The following DLG1 variants were observed in gnomAD, a reference collection of about 807,000 sequenced individuals.
The protein encoded by DLG1 is discs large MAGUK scaffold protein 1.
In DLG1, 42 loss-of-function variants were observed where a neutral mutation model predicts 123.4. The ratio of observed to expected loss-of-function variants is 0.34; its 90% CI spans 0.27 to 0.44. The LOEUF (loss-of-function observed/expected upper bound fraction) is 0.44, where lower values mean the gene tolerates loss of function less well. DLG1 is among the 20% of genes least tolerant of loss of function. The pLI is 1.00. For missense variants in DLG1, 942 were observed against 1,082.6 expected (o/e 0.87, Z 1.82); for synonymous variants, 317 against 356.2 (o/e 0.89, Z 1.24).
intron 5 of DLG1, among the ~76,000 whole-genome samples, chr3:197,175,503 C>A (rs1375533263): frequency 6.6e-6 from 1 of 152,166 alleles, no homozygotes; most frequent in African/African-American, 2.4e-5. Flanking sequence ...GTAACATAGA[C>A]TTGCTAGTTT....
At chr3:197,235,012 G>A (rs922202825) in intron 4 of DLG1, among the ~76,000 whole-genome samples, 7 of 151,988 alleles carry the variant, frequency 4.6e-5, no homozygotes, top group African/African-American at 7.2e-5. Flanking sequence ...GAAGTTAACT[G>A]GTACAGAACT....
At chr3:197,111,091 C>T (rs1769743346) in intron 13 of DLG1, among the ~76,000 whole-genome samples, 1 of 152,166 alleles carries the variant, frequency 6.6e-6, no homozygotes, top group Admixed American at 6.5e-5. Context: ...GCTTTTAGGG[C>T]ATTTCCCTAG....
intron 4 of DLG1, among the ~76,000 whole-genome samples, chr3:197,274,846 G>GA (rs1409731175): frequency 6.6e-6 from 1 of 152,132 alleles, no homozygotes; most frequent in Non-Finnish European, 1.5e-5. Context: ...ATTGGTATAT[G>GA]AAAAAATGTT....
At chr3:197,273,188 A>ATGTGTGTGTGTGTGTGTGTGTGTG (rs34778202) in intron 4 of DLG1, among the ~76,000 whole-genome samples, 2 of 147,870 alleles carry the variant, frequency 1.4e-5, no homozygotes, top group Non-Finnish European at 3.0e-5. Context: ...CACTGAATAT[A>ATGTGTGTGTGTGTGTGTGTGTGTG]TGTGTGTGTG....
chr3:197,194,953 A>T (rs367547703), intron 4 of DLG1, among the ~76,000 whole-genome samples: 20 of 152,292 alleles, frequency 1.3e-4, no homozygotes, highest in African/African-American at 4.6e-4. Context: ...GTTAACTTGT[A>T]CACAAATTTT....
chr3:197,189,108 T>A (rs1717773791), intron 5 of DLG1, among the ~76,000 whole-genome samples: 1 of 152,202 alleles, frequency 6.6e-6, no homozygotes. Flanking sequence ...TTCAAGAACT[T>A]GAGAAACGTT....
chr3:197,220,011 A>G (rs2150493150), intron 4 of DLG1, among the ~76,000 whole-genome samples: 1 of 152,356 alleles, frequency 6.6e-6, no homozygotes, highest in South Asian at 2.1e-4. Flanking sequence ...TACACTGTAG[A>G]ATTTAATACT....
intron 5 of DLG1, chr3:197,183,650 C>A: frequency 6.4e-7 from 1 of 1,550,528 alleles, no homozygotes. Flanking sequence ...CTATCTGCTG[C>A]CAGCGTGAAG....
intron 5 of DLG1, among the ~76,000 whole-genome samples, chr3:197,168,699 T>A (rs911586890): frequency 6.6e-6 from 1 of 152,248 alleles, no homozygotes; most frequent in African/African-American, 2.4e-5. Flanking sequence ...GTGACTGTTA[T>A]GCCATCATCC....
At chr3:197,236,884 T>C (rs772116992) in intron 4 of DLG1, among the ~76,000 whole-genome samples, 1 of 152,230 alleles carries the variant, frequency 6.6e-6, no homozygotes, top group East Asian at 1.9e-4. Flanking sequence ...TCAAACATCA[T>C]TTGCTGTCCA....
chr3:197,117,273 T>C (rs1374862195), intron 12 of DLG1, among the ~76,000 whole-genome samples: 1 of 152,204 alleles, frequency 6.6e-6, no homozygotes, highest in African/African-American at 2.4e-5. Context: ...AAAACCAGTT[T>C]GGTGGTTCCT....
At chr3:197,092,492 AATT>A (rs1758283957) in intron 14 of DLG1, among the ~76,000 whole-genome samples, 1 of 151,944 alleles carries the variant, frequency 6.6e-6, no homozygotes, top group African/African-American at 2.4e-5. Flanking sequence ...TGTATGGTTG[AATT>A]ATTGTTTTCT....
At chr3:197,278,533 A>G (rs1767663072) in intron 4 of DLG1, among the ~76,000 whole-genome samples, 1 of 151,998 alleles carries the variant, frequency 6.6e-6, no homozygotes, top group Non-Finnish European at 1.5e-5. Flanking sequence ...AACAATCATT[A>G]AACACTAAAC....
intron 4 of DLG1, chr3:197,226,507 C>T (rs1740029157): frequency 2.6e-5 from 4 of 152,192 alleles, no homozygotes; most frequent in Admixed American, 2.6e-4. Context: ...CACCACTAAA[C>T]ACTGTAGTCT....
At chr3:197,245,626 C>T (rs906845698) in intron 4 of DLG1, among the ~76,000 whole-genome samples, 2 of 152,124 alleles carry the variant, frequency 1.3e-5, no homozygotes, top group Admixed American at 6.5e-5. Context: ...CAAAACCTCC[C>T]TCATGAGAGA....
intron 6 of DLG1, among the ~76,000 whole-genome samples, chr3:197,148,474 A>C (rs1792249017): frequency 6.6e-6 from 1 of 151,622 alleles, no homozygotes; most frequent in Non-Finnish European, 1.5e-5. Flanking sequence ...AAGAACTCCA[A>C]GACTTGTACA....
intron 17 of DLG1, among the ~76,000 whole-genome samples, chr3:197,078,692 G>C (rs780741862): frequency 6.6e-6 from 1 of 152,106 alleles, no homozygotes; most frequent in Non-Finnish European, 1.5e-5. Flanking sequence ...AGATAGACGA[G>C]AAAGTGTTTT....
intron 22 of DLG1, among the ~76,000 whole-genome samples, chr3:197,061,332 G>C (rs911824595): frequency 3.3e-5 from 5 of 152,052 alleles, no homozygotes; most frequent in African/African-American, 9.7e-5. Flanking sequence ...AATATTCTAG[G>C]TTTGCTTTAA....
intron 22 of DLG1, among the ~76,000 whole-genome samples, chr3:197,063,951 T>TG (rs1469425097): frequency 6.8e-6 from 1 of 146,054 alleles, no homozygotes; most frequent in Non-Finnish European, 1.5e-5. Context: ...TTTTTTGAGA[T>TG]GGAGTCTTGC....
Sources: gnomAD v4.1 joint callset for allele counts (sites outside exome capture counted in the v4.1 genomes callset) on GRCh38, gnomAD v4.1.1 for gene constraint, MANE v1.5 for transcripts, NCBI Gene and HGNC (gene_info 2026-07-23, HGNC 2026-07-21) for gene names.